ANK3: variants seen among roughly 807,000 people sequenced by gnomAD.
ANK3 encodes the protein ankyrin-3.
A neutral mutation model predicts 370.9 loss-of-function variants in ANK3; 57 were observed. That is an observed-to-expected ratio of 0.15 (90% confidence interval 0.12 to 0.19). ANK3 has a LOEUF of 0.19. Among genes scored for constraint, ANK3 ranks in the 10% least tolerant of loss-of-function variants. The pLI is 1.00. For synonymous variants in ANK3, 1,929 were observed against 1,946.3 expected (o/e 0.99, Z 0.23); for missense variants, 4,439 against 5,302.1 (o/e 0.84, Z 5.06).
intron 1 of ANK3, among the ~76,000 whole-genome samples, chr10:60,283,059 G>A (rs1185899255): frequency 6.6e-6 from 1 of 152,082 alleles, no homozygotes; most frequent in East Asian, 1.9e-4. Flanking sequence ...CACATTGGTG[G>A]AACAAAATAA....
intron 1 of ANK3, among the ~76,000 whole-genome samples, chr10:60,625,231 G>A (rs531575933): frequency 1.3e-5 from 2 of 152,174 alleles, no homozygotes; most frequent in East Asian, 1.9e-4. Flanking sequence ...CATCTTGGAC[G>A]TGCAGAGCAG....
At chr10:60,621,872 T>C (rs2078342491) in intron 1 of ANK3, among the ~76,000 whole-genome samples, 1 of 152,148 alleles carries the variant, frequency 6.6e-6, no homozygotes, top group Admixed American at 6.5e-5. Flanking sequence ...AACAGTCAGA[T>C]AGGAGATGTT....
chr10:60,684,656 C>A, intron 1 of ANK3: 11 of 1,588,742 alleles, frequency 6.9e-6, no homozygotes, highest in South Asian at 1.1e-5. Flanking sequence ...ACCGTACCTA[C>A]CAAAGCATTT....
chr10:60,178,153 G>A (rs994110178), intron 18 of ANK3, among the ~76,000 whole-genome samples: 4 of 152,038 alleles, frequency 2.6e-5, no homozygotes, highest in Non-Finnish European at 5.9e-5. Flanking sequence ...GTACATTAAG[G>A]CCCTCTGAGA....
chr10:60,089,800 G>T (rs1281655627), intron 28 of ANK3, among the ~76,000 whole-genome samples: 1 of 151,702 alleles, frequency 6.6e-6, no homozygotes, highest in Non-Finnish European at 1.5e-5. Context: ...GTTTAAATAT[G>T]TATACTGAAT....
intron 2 of ANK3, among the ~76,000 whole-genome samples, chr10:60,593,503 T>C (rs1297298358): frequency 6.6e-6 from 1 of 151,946 alleles, no homozygotes; most frequent in Non-Finnish European, 1.5e-5. Flanking sequence ...CAAATCTTTT[T>C]CATGTAGCAA....
chr10:60,563,452 A>G (rs1042769156), intron 2 of ANK3, among the ~76,000 whole-genome samples: 4 of 152,218 alleles, frequency 2.6e-5, no homozygotes, highest in Non-Finnish European at 5.9e-5. Flanking sequence ...GGAATTCAGA[A>G]CTTTTTCATC....
intron 1 of ANK3, among the ~76,000 whole-genome samples, chr10:60,368,715 T>C (rs1252211070): frequency 1.3e-5 from 2 of 152,206 alleles, no homozygotes; most frequent in Non-Finnish European, 2.9e-5. Flanking sequence ...AATGCTGTCA[T>C]GTGTTTTAGA....
chr10:60,233,519 A>G (rs1202712197), intron 8 of ANK3, among the ~76,000 whole-genome samples: 1 of 151,648 alleles, frequency 6.6e-6, no homozygotes, highest in African/African-American at 2.4e-5. Context: ...GTAGCCTTGA[A>G]CTCCTGGGCT....
intron 2 of ANK3, among the ~76,000 whole-genome samples, chr10:60,610,736 C>T (rs1047645191): frequency 6.6e-6 from 1 of 152,174 alleles, no homozygotes; most frequent in African/African-American, 2.4e-5. Flanking sequence ...ATGGATGATT[C>T]TTCCACCTTC....
chr10:60,394,595 A>G (rs999116443), upstream of ANK3, among the ~76,000 whole-genome samples: 4 of 152,160 alleles, frequency 2.6e-5, no homozygotes, highest in Non-Finnish European at 4.4e-5. Context: ...GGCTTCCCCA[A>G]GGTCTCTCCA....
At chr10:60,468,147 G>A (rs1200366962) in intron 2 of ANK3, among the ~76,000 whole-genome samples, 1 of 151,928 alleles carries the variant, frequency 6.6e-6, no homozygotes, top group East Asian at 1.9e-4. Flanking sequence ...ACCACGCCCA[G>A]CTAATTTTGT....
At chr10:60,418,856 G>A (rs141374165) in intron 2 of ANK3, among the ~76,000 whole-genome samples, 10 of 152,008 alleles carry the variant, frequency 6.6e-5, no homozygotes, top group East Asian at 1.9e-4. Context: ...CTTTTCAAAC[G>A]TATAAAACAC....
chr10:60,392,936 C>T (rs913379801), upstream of ANK3, among the ~76,000 whole-genome samples: 2 of 151,750 alleles, frequency 1.3e-5, no homozygotes, highest in Non-Finnish European at 2.9e-5. Flanking sequence ...CCCTTGGCTC[C>T]CCACTCCCTC....
At chr10:60,500,875 T>A (rs1165498773) in intron 2 of ANK3, among the ~76,000 whole-genome samples, 1 of 152,206 alleles carries the variant, frequency 6.6e-6, no homozygotes, top group African/African-American at 2.4e-5. Context: ...CATAATATCA[T>A]ATTTCTCAAT....
At chr10:60,153,970 C>T (rs947573376) in intron 23 of ANK3, among the ~76,000 whole-genome samples, 7 of 152,076 alleles carry the variant, frequency 4.6e-5, no homozygotes, top group Admixed American at 2.6e-4. Flanking sequence ...TTGATGCAAC[C>T]GATCAAACAT....
At chr10:60,456,205 G>T (rs1343719257) in intron 2 of ANK3, among the ~76,000 whole-genome samples, 1 of 152,176 alleles carries the variant, frequency 6.6e-6, no homozygotes, top group Non-Finnish European at 1.5e-5. Flanking sequence ...GAAGTAAAAT[G>T]CCTGTGAGAG....
chr10:60,663,803 G>A (rs1325280217), intron 1 of ANK3, among the ~76,000 whole-genome samples: 3 of 152,110 alleles, frequency 2.0e-5, no homozygotes, highest in South Asian at 2.1e-4. Context: ...GATTATTTCT[G>A]TATAAAGCTT....
At chr10:60,507,988 T>G (rs1228720617) in intron 2 of ANK3, 1 of 152,176 alleles carries the variant, frequency 6.6e-6, no homozygotes, top group Non-Finnish European at 1.5e-5. Context: ...AAACTCCAAT[T>G]ACACTTCTTT....
Sources: gnomAD v4.1 joint callset for allele counts (sites outside exome capture counted in the v4.1 genomes callset) on GRCh38, gnomAD v4.1.1 for gene constraint, MANE v1.5 for transcripts, NCBI Gene and HGNC (gene_info 2026-07-23, HGNC 2026-07-21) for gene names.